CSDE1: variants seen among roughly 807,000 people sequenced by gnomAD.
CSDE1 encodes the protein cold shock domain containing E1.
In CSDE1, 17 loss-of-function variants were observed where a neutral mutation model predicts 89.3. The observed-to-expected ratio is 0.19, with a 90% confidence interval of 0.13 to 0.29. CSDE1 has a LOEUF of 0.29. Among genes scored for constraint, CSDE1 ranks in the 10% least tolerant of loss-of-function variants. The pLI is 1.00. For synonymous variants in CSDE1, 322 were observed against 332.8 expected, an observed-to-expected ratio of 0.97 and a Z score of 0.35; for missense variants, 672 against 984.2, an observed-to-expected ratio of 0.68 and a Z score of 4.24.
At chr1:114,745,769 A>G (rs1027999238) in intron 2 of CSDE1, among the ~76,000 whole-genome samples, 3 of 152,234 alleles carry the variant, frequency 2.0e-5, no homozygotes, top group African/African-American at 7.2e-5. Context: ...CCTTTAATAA[A>G]AGCAGAAATG....
At chr1:114,734,591 T>A (rs913458093) in intron 6 of CSDE1, 68 bp from the exon 7 acceptor site, 1 of 1,261,274 alleles carries the variant, frequency 7.9e-7, no homozygotes, top group Non-Finnish European at 1.1e-6. Context: ...CCTGCTTAGA[T>A]ATGAGTCTAA....
intron 1 of CSDE1, among the ~76,000 whole-genome samples, chr1:114,750,837 G>A (rs111372130): frequency 6.6e-6 from 1 of 152,238 alleles, no homozygotes; most frequent in African/African-American, 2.4e-5. Context: ...TAAGTCAAGC[G>A]AGAATATGCC....
chr1:114,741,508 G>C, intron 2 of CSDE1: 2 of 1,541,766 alleles, frequency 1.3e-6, no homozygotes, highest in Non-Finnish European at 1.8e-6. Flanking sequence ...AAGCTGAGAT[G>C]ACTGCTTTCC....
At chr1:114,722,399 G>C (rs145792881) in intron 16 of CSDE1, among the ~76,000 whole-genome samples, 1 of 152,168 alleles carries the variant, frequency 6.6e-6, no homozygotes, top group African/African-American at 2.4e-5. Flanking sequence ...AGCTAGCAAA[G>C]ATTTAAGTTA....
At position 114,739,755 on chromosome 1, in the gene CSDE1, G is replaced by C. The variant is rs759468694; in HGVS notation, c.136C>G (p.Gln46Glu). The change falls in exon 3 of 20, where the codon CAA becomes GAA. Residue 46 changes from glutamine (Q) to glutamate (E), a missense_variant. By Grantham distance (29) the Gln-to-Glu change is conservative. Coordinates refer to ENST00000358528, the MANE Select transcript of CSDE1 (RefSeq NM_001007553.3). Reference sequence around the variant, plus strand: ...GAACAGTGGAAGAAAAGTCTAGCTTGACGTTCTGAACACTGAATAAATCCG... The same window carrying C: ...GAACAGTGGAAGAAAAGTCTAGCTTCACGTTCTGAACACTGAATAAATCCG... ...SYGFIQCSERQARLFFHCSQY... is the reference protein window; with the variant it reads ...SYGFIQCSEREARLFFHCSQY... 34 of 1,613,992 alleles carry C rather than the reference G, an allele frequency of 2.1e-5. No homozygotes were observed. The highest frequency in any genetic ancestry group is 1.3e-4 in the Admixed American group (8 of 60,008).
Position 114,725,083 on chromosome 1 carries a change from C to T in CSDE1, c.1753+138G>A. ...GAGAACGTATATTTCTAACAAGCAA[C>T]CAGGTGATGCTGCTGTTCTATGGAA... is the stretch of plus-strand genomic sequence containing the variant. On this transcript the variant is annotated intron_variant, in intron 15 of 19. Transcript: ENST00000358528. 4 of 699,838 alleles carry T rather than the reference C, an allele frequency of 5.7e-6. No homozygotes were observed. In the South Asian group the frequency reaches 6.7e-5, roughly 12 times the overall value. The allele number at this position is 699,838 out of a possible 1,614,324, so 43.4% of individuals were successfully genotyped here.
chr1:114,732,485 A>G, intron 10 of CSDE1, 119 bp downstream of exon 10: 1 of 827,676 alleles, frequency 1.2e-6, no homozygotes, highest in South Asian at 1.7e-5. Flanking sequence ...TCACCTTAAC[A>G]AGGTAAATGC....
At chr1:114,724,834 C>T (rs1440248737) in intron 15 of CSDE1, among the ~76,000 whole-genome samples, 1 of 152,160 alleles carries the variant, frequency 6.6e-6, no homozygotes, top group Non-Finnish European at 1.5e-5. Context: ...GCGGCCCTCC[C>T]ACCTCAGCCT....
At chr1:114,722,935 C>G (rs1346481968) in intron 16 of CSDE1, among the ~76,000 whole-genome samples, 1 of 152,168 alleles carries the variant, frequency 6.6e-6, no homozygotes, top group Non-Finnish European at 1.5e-5. Flanking sequence ...CTATTCAGCA[C>G]TTTATGTTCG....
At chr1:114,725,643 T>A (rs1402298734) in intron 14 of CSDE1, among the ~76,000 whole-genome samples, 2 of 6,274 alleles carry the variant, frequency 3.2e-4, no homozygotes, top group Non-Finnish European at 5.9e-4. Context: ...TTACTTTCTA[T>A]TTTTTTTTTT....
At chr1:114,753,633 T>C (rs1221174841) in intron 1 of CSDE1, among the ~76,000 whole-genome samples, 1 of 152,190 alleles carries the variant, frequency 6.6e-6, no homozygotes, top group Non-Finnish European at 1.5e-5. Context: ...ACACTGGGTA[T>C]TGGGCTGGGG....
At chr1:114,731,390 T>TAAAAAAAA (rs368044895) in intron 10 of CSDE1, among the ~76,000 whole-genome samples, 1 of 134,372 alleles carries the variant, frequency 7.4e-6, no homozygotes. Flanking sequence ...TTTGAAAATG[T>TAAAAAAAA]AAAAAAAAAA....
intron 8 of CSDE1, 42 bp downstream of exon 8, chr1:114,733,947 T>C (rs758924578): frequency 6.2e-7 from 1 of 1,606,624 alleles, no homozygotes; most frequent in East Asian, 2.2e-5. Context: ...AAACCAACTC[T>C]GATCTTAAAA....
intron 9 of CSDE1, among the ~76,000 whole-genome samples, chr1:114,733,343 G>A (rs939905295): frequency 6.6e-6 from 1 of 151,958 alleles, no homozygotes; most frequent in Non-Finnish European, 1.5e-5. Flanking sequence ...CTTGCCAACA[G>A]GGTGAAACCC....
chr1:114,736,281 A>AC (rs1660398065), intron 6 of CSDE1, among the ~76,000 whole-genome samples: 1 of 152,046 alleles, frequency 6.6e-6, no homozygotes, highest in Admixed American at 6.5e-5. Flanking sequence ...AAAGTCTACC[A>AC]CTTCCACCAC....
chr1:114,736,719 A>G lies in CSDE1; in HGVS notation c.500+39T>C, dbSNP rs949750287. On this transcript the variant is annotated intron_variant, in intron 6 of 19. Transcript: ENST00000358528. ...TTTCTTAATGGAGGGGGGAAAAAAA[A>G]ACCGCTTAGGTGAGAAAATTTAAAA... 5 of 1,390,658 alleles carry G rather than the reference A, an allele frequency of 3.6e-6. No homozygotes were observed. In the African/African-American group the frequency reaches 5.8e-5, roughly 16 times the overall value. The allele number at this position is 1,390,658 out of a possible 1,614,324, so 86.1% of individuals were successfully genotyped here. A position where few individuals can be genotyped will look rare whatever the true frequency, so the allele number is the denominator to read the frequency against.
In CSDE1 at chr1:114,718,182, C is replaced by G; in HGVS notation, c.2384G>C (p.Gly795Ala). 1 of 1,614,002 alleles carries G rather than the reference C, an allele frequency of 6.2e-7. No individual in the cohort carries two copies. The highest frequency in any genetic ancestry group is 8.5e-7 in the Non-Finnish European group (1 of 1,180,002). ...FGAERKIRQA[G>A]VID is the part of the protein sequence containing the mutation. ...TTGTGGATGTGGTTAGTCAATGACA[C>G]CAGCTTGACGGATCTTTCTTTCTGC... Residue 795 changes from glycine to alanine, a missense_variant, in exon 20 of 20, where the codon GGT becomes GCT. Coordinates refer to ENST00000358528, the MANE Select transcript of CSDE1 (RefSeq NM_001007553.3).
chr1:114,720,271 T>C, intron 17 of CSDE1: 1 of 355,456 alleles, frequency 2.8e-6, no homozygotes, highest in Non-Finnish European at 5.1e-6. Context: ...ATATAGTCCT[T>C]CTATTCTGGA....
chr1:114,727,036 C>G lies in CSDE1; in HGVS notation c.1411G>C (p.Ala471Pro). Reference sequence around the variant, plus strand: ...CCTTCCACATCCTTGGCTTGAAAAGCAATAGTCAGTTTCACCCCACAGTCA... The same window carrying G: ...CCTTCCACATCCTTGGCTTGAAAAGGAATAGTCAGTTTCACCCCACAGTCA... ...YDDCGVKLTI[A>P]FQAKDVEGST... The change falls in exon 13 of 20, where the codon GCT becomes CCT. Residue 471 changes from alanine (A) to proline (P), a missense_variant. Around this residue, in one of 8 missense-constraint regions of CSDE1, gnomAD observed 108 missense variants for 105.0 expected, o/e 1.03. Transcript: ENST00000358528. The G allele has an allele frequency of 1.9e-6, 3 of 1,613,842 alleles. No individual in the cohort carries two copies. The highest frequency in any genetic ancestry group is 1.7e-6 in the Non-Finnish European group (2 of 1,179,856).
Sources: gnomAD v4.1 joint callset for allele counts (sites outside exome capture counted in the v4.1 genomes callset) on GRCh38, gnomAD v4.1.1 for gene constraint, gnomAD v4.1.1 regional missense constraint, MANE v1.5 for transcripts, NCBI Gene and HGNC (gene_info 2026-07-23, HGNC 2026-07-21) for gene names.